The following ARB2A variants were observed in gnomAD, a reference collection of about 807,000 sequenced individuals.
ARB2A encodes the protein ARB2 cotranscriptional regulator A.
chr5:93,851,211 A>G, the ARB2A span, among the ~76,000 whole-genome samples: 1 of 152,220 alleles, frequency 6.6e-6, no homozygotes, highest in Non-Finnish European at 1.5e-5. Context: ...TTAAGAATAG[A>G]AGAATGAATA....
chr5:93,799,435 A>G, the ARB2A span, among the ~76,000 whole-genome samples: 1 of 152,096 alleles, frequency 6.6e-6, no homozygotes, highest in African/African-American at 2.4e-5. Flanking sequence ...TAGACATACT[A>G]TAGCCTTCAC....
chr5:93,742,854 G>C, the ARB2A span: 2 of 152,158 alleles, frequency 1.3e-5, no homozygotes, highest in African/African-American at 4.8e-5. Flanking sequence ...CTGATTTCCA[G>C]TTTTGTATTT....
the ARB2A span, among the ~76,000 whole-genome samples, chr5:94,037,732 TTA>T: frequency 3.3e-4 from 50 of 152,218 alleles, 1 homozygote; most frequent in East Asian, 9.4e-3. Context: ...AAGGTATCAA[TTA>T]TACACAGAAA....
the ARB2A span, chr5:94,055,672 C>A: frequency 1.0e-6 from 1 of 985,214 alleles, no homozygotes; most frequent in African/African-American, 1.7e-5. Flanking sequence ...CCTTGTAAAT[C>A]TTTTCAAAAT....
chr5:94,082,382 A>G, the ARB2A span, among the ~76,000 whole-genome samples: 1 of 152,202 alleles, frequency 6.6e-6, no homozygotes, highest in Non-Finnish European at 1.5e-5. Flanking sequence ...CAGACATTGT[A>G]CCAAATTACT....
At chr5:93,699,255 C>G in the ARB2A span, among the ~76,000 whole-genome samples, 11 of 152,118 alleles carry the variant, frequency 7.2e-5, no homozygotes, top group African/African-American at 2.7e-4. Context: ...GAGCAGCATG[C>G]ATGTGTGATA....
At chr5:93,926,912 A>G in the ARB2A span, among the ~76,000 whole-genome samples, 3 of 152,076 alleles carry the variant, frequency 2.0e-5, no homozygotes, top group Non-Finnish European at 4.4e-5. Context: ...TCATCTCAAG[A>G]GAACTGAATA....
At chr5:93,763,480 T>C in the ARB2A span, among the ~76,000 whole-genome samples, 1 of 152,084 alleles carries the variant, frequency 6.6e-6, no homozygotes, top group Non-Finnish European at 1.5e-5. Flanking sequence ...AGGGATCAAT[T>C]CAACAAGAAG....
the ARB2A span, among the ~76,000 whole-genome samples, chr5:93,888,262 T>C: frequency 2.6e-5 from 4 of 151,886 alleles, no homozygotes; most frequent in South Asian, 4.1e-4. Flanking sequence ...TTTAATACCA[T>C]AGTTTTGTGA....
chr5:93,897,168 G>C, the ARB2A span, among the ~76,000 whole-genome samples: 1 of 151,734 alleles, frequency 6.6e-6, no homozygotes, highest in East Asian at 1.9e-4. Context: ...AAAATATCCC[G>C]GATCAAAACA....
chr5:93,775,742 G>A, the ARB2A span, among the ~76,000 whole-genome samples: 2 of 152,104 alleles, frequency 1.3e-5, no homozygotes, highest in Non-Finnish European at 2.9e-5. Context: ...TAAAATCTTT[G>A]CATGAAGTAT....
At chr5:93,843,315 C>T in the ARB2A span, among the ~76,000 whole-genome samples, 1 of 151,582 alleles carries the variant, frequency 6.6e-6, no homozygotes, top group Non-Finnish European at 1.5e-5. Flanking sequence ...CAAATAGACA[C>T]TTGAAAGAAA....
At chr5:93,944,607 A>G in the ARB2A span, among the ~76,000 whole-genome samples, 1 of 140,324 alleles carries the variant, frequency 7.1e-6, no homozygotes, top group East Asian at 2.5e-4. Flanking sequence ...AGAGGGCAGG[A>G]GAGGGGAGGG....
chr5:93,624,305 G>A, the ARB2A span, among the ~76,000 whole-genome samples: 3 of 152,192 alleles, frequency 2.0e-5, no homozygotes, highest in African/African-American at 7.2e-5. Context: ...GAAAAACATG[G>A]TTTTATGGTT....
At chr5:94,013,851 A>T in the ARB2A span, among the ~76,000 whole-genome samples, 1 of 152,164 alleles carries the variant, frequency 6.6e-6, no homozygotes, top group South Asian at 2.1e-4. Context: ...AGGGTCACAG[A>T]GATGTAAGAG....
the ARB2A span, among the ~76,000 whole-genome samples, chr5:93,952,539 G>C: frequency 6.6e-6 from 1 of 152,154 alleles, no homozygotes; most frequent in African/African-American, 2.4e-5. Flanking sequence ...CCTGCCAGAA[G>C]TATTGGAGCT....
At chr5:93,914,190 G>C in the ARB2A span, among the ~76,000 whole-genome samples, 1 of 151,910 alleles carries the variant, frequency 6.6e-6, no homozygotes, top group Non-Finnish European at 1.5e-5. Context: ...GGAATCTGTA[G>C]ATTTTCCTTG....
At chr5:93,776,733 G>A in the ARB2A span, among the ~76,000 whole-genome samples, 5,438 of 152,096 alleles carry the variant, frequency 0.036, 160 homozygotes, top group East Asian at 0.13. Context: ...AGCTGAGAGC[G>A]TGCCATTGCA....
chr5:94,075,297 A>C, the ARB2A span, among the ~76,000 whole-genome samples: 6,222 of 152,100 alleles, frequency 0.041, 181 homozygotes, highest in East Asian at 0.14. Context: ...ACTTTCAGGG[A>C]AAAATTAGCC....
Sources: gnomAD v4.1 joint callset for allele counts (sites outside exome capture counted in the v4.1 genomes callset) on GRCh38, gnomAD v4.1.1 for gene constraint, MANE v1.5 for transcripts, NCBI Gene and HGNC (gene_info 2026-07-23, HGNC 2026-07-21) for gene names.